The following LYPLAL1 variants were observed in gnomAD, a reference collection of about 807,000 sequenced individuals.
LYPLAL1 encodes lysophospholipase like 1.
Under a neutral mutation model 19.7 loss-of-function variants are expected in LYPLAL1, and 23 were observed. The ratio of observed to expected loss-of-function variants is 1.17; its 90% CI spans 0.84 to 1.65. The LOEUF (loss-of-function observed/expected upper bound fraction) is 1.65. Ranked by LOEUF, LYPLAL1 falls within the 40% of genes most tolerant of loss-of-function variation. The probability of loss-of-function intolerance (pLI) is 0.00; values close to 1 mark genes in which losing one functional copy is unlikely to be tolerated. For missense variants in LYPLAL1, 355 were observed against 279.4 expected (o/e 1.27, Z -1.93); for synonymous variants, 119 against 96.3 (o/e 1.24, Z -1.38).
rs1464776178 is a variant in LYPLAL1, at chr1:219,175,197, A to T, written c.91+1216A>T. ...GAGTAGTGGCGGATTTGGGATTAGA[A>T]CCCAAAGCTCTCCGACCTCAAACTC... On this transcript the variant is annotated intron_variant, in intron 1 of 4. Transcript: ENST00000366928. 5 of 663,566 alleles carry T rather than the reference A, an allele frequency of 7.5e-6. No homozygotes were observed. The African/African-American group carries it at 7.8e-5, about 10-fold the overall frequency. The allele number at this position is 663,566 out of a possible 1,614,324, so 41.1% of individuals were successfully genotyped here. A position where few individuals can be genotyped will look rare whatever the true frequency, so the allele number is the denominator to read the frequency against.
chr1:219,350,219 C>CA, the LYPLAL1 span, among the ~76,000 whole-genome samples: 1 of 152,222 alleles, frequency 6.6e-6, no homozygotes, highest in South Asian at 2.1e-4. Flanking sequence ...GATGAAGCCA[C>CA]AGCCTGAGAT....
At chr1:219,211,355 G>A in intron 4 of LYPLAL1, 137 bp from the exon 5 acceptor site, 1 of 642,264 alleles carries the variant, frequency 1.6e-6, no homozygotes. Flanking sequence ...ACCTCAGACA[G>A]CACTCCCTCT....
the LYPLAL1 span, among the ~76,000 whole-genome samples, chr1:219,399,437 G>A: frequency 0.18 from 27,555 of 152,152 alleles, 2,558 homozygotes; most frequent in East Asian, 0.25. Flanking sequence ...TAAGGGGGAT[G>A]GACTGCACTC....
Sources: allele counts gnomAD v4.1 joint callset (sites outside exome capture counted in the v4.1 genomes callset), GRCh38; gene constraint gnomAD v4.1.1; transcripts MANE v1.5; gene names NCBI Gene and HGNC (gene_info 2026-07-23, HGNC 2026-07-21).